Variants in EXD1 observed in about 807,000 individuals in gnomAD.
EXD1 encodes the protein piRNA biogenesis protein EXD1.
A neutral mutation model predicts 49.1 loss-of-function variants in EXD1; 63 were observed. The ratio of observed to expected loss-of-function variants is 1.28; its 90% CI spans 1.05 to 1.58. The LOEUF (loss-of-function observed/expected upper bound fraction) is 1.58. Ranked by LOEUF, EXD1 falls within the 40% of genes most tolerant of loss-of-function variation. The pLI, the probability that EXD1 is intolerant of heterozygous loss-of-function variation, is 0.00. For synonymous variants in EXD1, 234 were observed against 239.2 expected, an observed-to-expected ratio of 0.98 and a Z score of 0.20; for missense variants, 748 against 666.0, an observed-to-expected ratio of 1.12 and a Z score of -1.36.
chr15:41,196,225 C>T (rs1191894111), intron 7 of EXD1, among the ~76,000 whole-genome samples, 188 bp from the exon 8 acceptor site: 1 of 151,998 alleles, frequency 6.6e-6, no homozygotes, highest in East Asian at 1.9e-4. Context: ...CGGCTCACTG[C>T]AACCTCTGCC....
chr15:41,199,820 G>T (rs1483564982), intron 7 of EXD1, among the ~76,000 whole-genome samples: 256 of 5,814 alleles, frequency 0.044, no homozygotes, highest in Admixed American at 0.067. Flanking sequence ...GTCATATATA[G>T]ATATATGTCA....
chr15:41,222,638 ATT>A (rs10555628), intron 2 of EXD1, among the ~76,000 whole-genome samples: 177 of 133,726 alleles, frequency 1.3e-3, no homozygotes, highest in Non-Finnish European at 2.0e-3. Flanking sequence ...TTTTATTTAA[ATT>A]TTTTTTTTTT....
At chr15:41,190,522 T>C (rs1018882351) in intron 10 of EXD1, among the ~76,000 whole-genome samples, 1 of 152,180 alleles carries the variant, frequency 6.6e-6, no homozygotes, top group Admixed American at 6.6e-5. Context: ...GTTTAAAGTA[T>C]TGCTTAATTT....
chr15:41,228,679 G>T (rs964889413), intron 1 of EXD1, among the ~76,000 whole-genome samples: 1 of 152,030 alleles, frequency 6.6e-6, no homozygotes, highest in Non-Finnish European at 1.5e-5. Flanking sequence ...AAAGAAAACA[G>T]CCCTTAATAG....
chr15:41,227,856 C>A (rs2047187061), intron 1 of EXD1, among the ~76,000 whole-genome samples: 1 of 152,050 alleles, frequency 6.6e-6, no homozygotes, highest in South Asian at 2.1e-4. Flanking sequence ...TCGAGACCAG[C>A]CTGACCAACA....
At chr15:41,217,027 G>A in intron 4 of EXD1, 70 bp downstream of exon 4, 1 of 1,423,502 alleles carries the variant, frequency 7.0e-7, no homozygotes, top group South Asian at 1.2e-5. Flanking sequence ...TGGTGAATTA[G>A]AGTTAAGGCT....
chr15:41,195,476 A>G (rs946792867), intron 9 of EXD1, among the ~76,000 whole-genome samples: 8 of 152,098 alleles, frequency 5.3e-5, no homozygotes, highest in Non-Finnish European at 7.4e-5. Flanking sequence ...AATGATCCCT[A>G]AATTGCTCAA....
At chr15:41,188,071 A>G (rs1363985986) in intron 11 of EXD1, among the ~76,000 whole-genome samples, 2 of 151,972 alleles carry the variant, frequency 1.3e-5, no homozygotes, top group African/African-American at 4.8e-5. Context: ...CAATATTCAT[A>G]AGTAAAAGTG....
chr15:41,200,943 G>T (rs144901094), intron 7 of EXD1, among the ~76,000 whole-genome samples: 5 of 150,190 alleles, frequency 3.3e-5, no homozygotes, highest in African/African-American at 1.2e-4. Context: ...GTGTGATCTC[G>T]GCTCACTGCA....
chr15:41,189,609 G>A (rs2046472734), intron 11 of EXD1, among the ~76,000 whole-genome samples: 1 of 152,002 alleles, frequency 6.6e-6, no homozygotes, highest in African/African-American at 2.4e-5. Flanking sequence ...TTTTCAGTGA[G>A]CTGAGATCAT....
Position 41,195,765 on chromosome 15 carries a change from C to G in EXD1, c.720+10G>C, listed in dbSNP as rs202195861. The G allele has an allele frequency of 1.1e-5, 18 of 1,608,676 alleles. No homozygotes were observed. The highest frequency in any genetic ancestry group is 1.5e-5 in the Non-Finnish European group (18 of 1,177,950). ...ATACTGGTTTGAATCCAGTGCTTCC[C>G]TTCATGTACCTGTGTGTCAAAGACA... On this transcript the variant is annotated intron_variant, in intron 9 of 11. Coordinates refer to ENST00000458580, the MANE Select transcript of EXD1 (RefSeq NM_001286441.2).
Position 41,204,047 on chromosome 15 carries a change from A to G in EXD1, c.534+5454T>C, listed in dbSNP as rs1434832953. On this transcript the variant is annotated intron_variant, in intron 7 of 11. Transcript: ENST00000458580. The stretch of plus-strand genomic sequence containing the variant: ...GATCACTTGAGCTCAGGAGTTTGAG[A>G]CCAGCCTGGGCAACACAGTGCAACC... Among the ~76,000 whole-genome samples, 3 of 150,460 alleles carry G rather than the reference A, an allele frequency of 2.0e-5. No homozygotes were observed. In the East Asian group the frequency reaches 5.9e-4, roughly 29 times the overall value.
chr15:41,226,699 C>T lies in EXD1; in HGVS notation c.-53-71G>A. 1.6e-6 allele frequency: 2 copies of T among 1,234,166 alleles called. 1 individual carries two copies. Among genetic ancestry groups the T allele is most frequent in the South Asian group, 3.4e-5 (2 of 57,990 alleles). The allele number at this position is 1,234,166 out of a possible 1,614,324, so 76.5% of individuals were successfully genotyped here. A position where few individuals can be genotyped will look rare whatever the true frequency, so the allele number is the denominator to read the frequency against. On this transcript the variant is annotated intron_variant, in intron 1 of 11. Coordinates refer to ENST00000458580, the MANE Select transcript of EXD1 (RefSeq NM_001286441.2). ...GGAGTAAAGTTATTTTCCCTTTCCC[C>T]ATATCTGTAATGGACAAGAATAAAA...
intron 3 of EXD1, among the ~76,000 whole-genome samples, chr15:41,218,735 C>G (rs1211114483): frequency 6.6e-6 from 1 of 152,154 alleles, no homozygotes; most frequent in Non-Finnish European, 1.5e-5. Flanking sequence ...ACTACCACTA[C>G]TATCCCTGCC....
intron 2 of EXD1, among the ~76,000 whole-genome samples, chr15:41,224,105 A>C (rs2047128559): frequency 6.6e-6 from 1 of 151,820 alleles, no homozygotes; most frequent in African/African-American, 2.4e-5. Flanking sequence ...ATGCCCGGCT[A>C]ATTTTGTATT....
chr15:41,194,324 TTTTAACAG>T, intron 9 of EXD1, among the ~76,000 whole-genome samples: 2 of 152,094 alleles, frequency 1.3e-5, no homozygotes, highest in African/African-American at 4.8e-5. Flanking sequence ...AAAGTGATTT[TTTTAACAG>T]CAAGGCAGAC....
At chr15:41,220,515 C>T (rs771809300) in intron 2 of EXD1, among the ~76,000 whole-genome samples, 1 of 152,168 alleles carries the variant, frequency 6.6e-6, no homozygotes. Context: ...GCCTCAGCCT[C>T]CCAAAGTGCT....
chr15:41,219,746 T>C (rs973920508), intron 3 of EXD1, 84 bp downstream of exon 3: 3 of 1,161,428 alleles, frequency 2.6e-6, no homozygotes, highest in East Asian at 5.2e-5. Context: ...TAAGAATCCA[T>C]AAGCACAACA....
intron 1 of EXD1, 73 bp from the exon 2 acceptor site, chr15:41,226,701 T>G: frequency 1.7e-6 from 2 of 1,174,704 alleles, no homozygotes; most frequent in Non-Finnish European, 2.3e-6. Flanking sequence ...CCTTTCCCCA[T>G]ATCTGTAATG....
Sources: allele counts gnomAD v4.1 joint callset (sites outside exome capture counted in the v4.1 genomes callset), GRCh38; gene constraint gnomAD v4.1.1; transcripts MANE v1.5; gene names NCBI Gene and HGNC (gene_info 2026-07-23, HGNC 2026-07-21).